Variants in LMBRD1 observed in about 807,000 individuals in gnomAD.
LMBRD1 encodes LMBR1 domain containing 1.
In LMBRD1, 64 loss-of-function variants were observed where a neutral mutation model predicts 74.8. The ratio of observed to expected loss-of-function variants is 0.86; its 90% CI spans 0.70 to 1.05. LMBRD1 has a LOEUF of 1.05. LMBRD1 is among the 50% of genes least tolerant of loss of function. The pLI, the probability that LMBRD1 is intolerant of heterozygous loss-of-function variation, is 0.00. For synonymous variants in LMBRD1, 204 were observed against 216.3 expected (o/e 0.94, Z 0.50); for missense variants, 652 against 645.9 (o/e 1.01, Z -0.10).
chr6:69,725,383 CA>C (rs1766708577), intron 7 of LMBRD1, among the ~76,000 whole-genome samples: 1 of 150,428 alleles, frequency 6.6e-6, no homozygotes, highest in Non-Finnish European at 1.5e-5. Context: ...ACACAAAACA[CA>C]CACCTAAAGT....
At chr6:69,718,185 C>G (rs761190117) in intron 8 of LMBRD1, among the ~76,000 whole-genome samples, 1 of 151,948 alleles carries the variant, frequency 6.6e-6, no homozygotes, top group Non-Finnish European at 1.5e-5. Flanking sequence ...GGAAGAAAAA[C>G]TTTTTACAGT....
chr6:69,774,864 G>A (rs914530188), intron 3 of LMBRD1, among the ~76,000 whole-genome samples: 6 of 151,132 alleles, frequency 4.0e-5, no homozygotes, highest in African/African-American at 1.5e-4. Flanking sequence ...AGGCCAAGGT[G>A]GGAGTACTGC....
At chr6:69,716,923 A>G (rs984240534) in intron 8 of LMBRD1, among the ~76,000 whole-genome samples, 3 of 151,386 alleles carry the variant, frequency 2.0e-5, no homozygotes, top group African/African-American at 7.3e-5. Context: ...ATATGTATTT[A>G]TATGTACAGG....
intron 2 of LMBRD1, among the ~76,000 whole-genome samples, chr6:69,781,718 T>C (rs541372354): frequency 6.6e-6 from 1 of 152,148 alleles, no homozygotes; most frequent in African/African-American, 2.4e-5. Flanking sequence ...AATAGAAACA[T>C]TTATGTTAAC....
intron 3 of LMBRD1, among the ~76,000 whole-genome samples, chr6:69,758,559 G>C (rs553063673): frequency 1.3e-5 from 2 of 152,204 alleles, no homozygotes; most frequent in East Asian, 1.9e-4. Flanking sequence ...CATGTCCTAA[G>C]GATGGAGAGT....
At chr6:69,705,560 T>C (rs1174063810) in intron 9 of LMBRD1, 2 of 1,275,002 alleles carry the variant, frequency 1.6e-6, no homozygotes, top group Non-Finnish European at 1.1e-6. Flanking sequence ...TTGGCTTTTG[T>C]GCATTTTTGG....
chr6:69,713,586 A>G (rs1301306895), intron 9 of LMBRD1, 59 bp downstream of exon 9: 13 of 1,546,444 alleles, frequency 8.4e-6, no homozygotes, highest in African/African-American at 1.4e-5. Context: ...AATCTCTCCA[A>G]GAGGTACTAC....
chr6:69,731,414 A>G (rs1168596321), intron 7 of LMBRD1, among the ~76,000 whole-genome samples: 1 of 152,116 alleles, frequency 6.6e-6, no homozygotes, highest in Non-Finnish European at 1.5e-5. Context: ...AGACTATCAC[A>G]TGTACCTGGA....
chr6:69,767,579 C>A (rs1010036342), intron 3 of LMBRD1, among the ~76,000 whole-genome samples: 3 of 151,628 alleles, frequency 2.0e-5, no homozygotes, highest in Non-Finnish European at 3.0e-5. Flanking sequence ...GATTTTTAAT[C>A]CTTTTAAATT....
At chr6:69,695,274 C>T (rs1469150982) in intron 14 of LMBRD1, among the ~76,000 whole-genome samples, 1 of 151,870 alleles carries the variant, frequency 6.6e-6, no homozygotes, top group African/African-American at 2.4e-5. Flanking sequence ...TTCTTGACTC[C>T]GCACATCTTC....
intron 13 of LMBRD1, among the ~76,000 whole-genome samples, chr6:69,698,638 A>C (rs1481107097): frequency 6.6e-6 from 1 of 151,940 alleles, no homozygotes; most frequent in Non-Finnish European, 1.5e-5. Context: ...TCTACATATA[A>C]AATTTTTATA....
chr6:69,679,967 C>T (rs7774371), intron 14 of LMBRD1, among the ~76,000 whole-genome samples: 86,302 of 151,974 alleles, frequency 0.57, 25,006 homozygotes, highest in East Asian at 0.74. Context: ...ATTTCAGACA[C>T]GCATGTCCAA....
At chr6:69,702,305 A>C (rs556782636) in intron 9 of LMBRD1, among the ~76,000 whole-genome samples, 30 of 146,530 alleles carry the variant, frequency 2.0e-4, no homozygotes, top group Middle Eastern at 3.5e-3. Flanking sequence ...ACACACACAC[A>C]CCCCAAAACC....
intron 3 of LMBRD1, among the ~76,000 whole-genome samples, chr6:69,776,003 T>C (rs1765690480): frequency 6.6e-6 from 1 of 152,232 alleles, no homozygotes; most frequent in Admixed American, 6.5e-5. Flanking sequence ...TCTTTGAGTT[T>C]TACAGCATCT....
At chr6:69,716,588 T>TA (rs1414848458) in intron 8 of LMBRD1, among the ~76,000 whole-genome samples, 2 of 152,170 alleles carry the variant, frequency 1.3e-5, no homozygotes, top group East Asian at 3.8e-4. Flanking sequence ...TCAGTAGAGC[T>TA]AGATTTTGAA....
chr6:69,719,884 G>C (rs1222911503), intron 7 of LMBRD1, among the ~76,000 whole-genome samples: 1 of 152,096 alleles, frequency 6.6e-6, no homozygotes, highest in Admixed American at 6.6e-5. Flanking sequence ...CGTGCCCCCT[G>C]TTAGATGGGC....
At chr6:69,705,840 C>T (rs1476583112) in intron 9 of LMBRD1, 1 of 1,315,486 alleles carries the variant, frequency 7.6e-7, no homozygotes, top group Non-Finnish European at 1.1e-6. Flanking sequence ...TATGCACTGG[C>T]CCTGAACCAC....
chr6:69,707,558 C>T (rs972978500), intron 9 of LMBRD1, among the ~76,000 whole-genome samples: 1 of 151,834 alleles, frequency 6.6e-6, no homozygotes, highest in Non-Finnish European at 1.5e-5. Context: ...CTTTAAACAC[C>T]GTTTATTTTT....
chr6:69,679,650 A>G (rs1338066292), intron 14 of LMBRD1, among the ~76,000 whole-genome samples: 1 of 152,180 alleles, frequency 6.6e-6, no homozygotes, highest in Non-Finnish European at 1.5e-5. Flanking sequence ...TCTTGAAATT[A>G]AAGCATAACT....
Sources: gnomAD v4.1 joint callset for allele counts (sites outside exome capture counted in the v4.1 genomes callset) on GRCh38, gnomAD v4.1.1 for gene constraint, MANE v1.5 for transcripts, NCBI Gene and HGNC (gene_info 2026-07-23, HGNC 2026-07-21) for gene names.